Variants in VPS13B observed in about 807,000 individuals in gnomAD.
The protein encoded by VPS13B is intermembrane lipid transfer protein VPS13B.
VPS13B carries 285 observed loss-of-function variants against 426.4 expected under a neutral mutation model. That is an observed-to-expected ratio of 0.67 (90% confidence interval 0.61 to 0.74). The LOEUF (loss-of-function observed/expected upper bound fraction) is 0.74. VPS13B is among the 30% of genes least tolerant of loss of function. The pLI, the probability that VPS13B is intolerant of heterozygous loss-of-function variation, is 0.00. For missense variants in VPS13B, 4,537 were observed against 4,782.6 expected, an observed-to-expected ratio of 0.95 and a Z score of 1.51; for synonymous variants, 1,676 against 1,676.4, an observed-to-expected ratio of 1.00 and a Z score of 0.01.
chr8:99,314,515 G>C (rs557762800), intron 19 of VPS13B, among the ~76,000 whole-genome samples: 14 of 152,284 alleles, frequency 9.2e-5, no homozygotes, highest in African/African-American at 2.6e-4. Flanking sequence ...GCTGAGAGTA[G>C]GGTATTGAAG....
intron 21 of VPS13B, among the ~76,000 whole-genome samples, chr8:99,417,863 A>G (rs1394830428): frequency 6.6e-6 from 1 of 151,908 alleles, no homozygotes; most frequent in African/African-American, 2.4e-5. Context: ...ATCTAGGTAG[A>G]CTGTATTGTT....
chr8:99,458,651 G>C (rs180796719), intron 23 of VPS13B, among the ~76,000 whole-genome samples: 1 of 152,152 alleles, frequency 6.6e-6, no homozygotes, highest in Non-Finnish European at 1.5e-5. Context: ...GTTTTGATTT[G>C]CACTTCTCTG....
At chr8:99,500,141 T>TA (rs1821149715) in intron 25 of VPS13B, among the ~76,000 whole-genome samples, 7 of 152,154 alleles carry the variant, frequency 4.6e-5, no homozygotes, top group Admixed American at 2.6e-4. Context: ...AACCTGTCTA[T>TA]AAAAAATGGA....
intron 33 of VPS13B, among the ~76,000 whole-genome samples, chr8:99,608,815 A>G (rs925042073): frequency 2.6e-5 from 4 of 152,062 alleles, no homozygotes; most frequent in African/African-American, 9.7e-5. Flanking sequence ...TCTACGTTTT[A>G]GCCTGTATCA....
At chr8:99,871,338 T>A in intron 60 of VPS13B, 110 bp from the exon 61 acceptor site, 2 of 1,524,412 alleles carry the variant, frequency 1.3e-6, no homozygotes, top group African/African-American at 1.4e-5. Context: ...ACTGGATTGG[T>A]GAGGGCCCTT....
intron 19 of VPS13B, among the ~76,000 whole-genome samples, chr8:99,334,078 A>G (rs193022541): frequency 1.6e-4 from 24 of 152,038 alleles, no homozygotes; most frequent in African/African-American, 5.5e-4. Flanking sequence ...TATTGCATAC[A>G]TATTTAGAAG....
chr8:99,534,470 G>A (rs1031098728), intron 30 of VPS13B, among the ~76,000 whole-genome samples: 1 of 152,034 alleles, frequency 6.6e-6, no homozygotes, highest in Non-Finnish European at 1.5e-5. Context: ...TTTGTGTTAC[G>A]AATTTGGAAA....
chr8:99,134,792 GT>G (rs1809987208), intron 9 of VPS13B, 65 bp downstream of exon 9: 1 of 1,344,234 alleles, frequency 7.4e-7, no homozygotes, highest in African/African-American at 1.5e-5. Context: ...ATAAATACCT[GT>G]TTTTATCAGA....
intron 3 of VPS13B, among the ~76,000 whole-genome samples, chr8:99,059,730 C>CTTTT (rs34620587): frequency 9.1e-5 from 10 of 110,170 alleles, no homozygotes; most frequent in Middle Eastern, 6.8e-3. Context: ...TTAGCTTCTG[C>CTTTT]TTTTTTTTTT....
intron 30 of VPS13B, among the ~76,000 whole-genome samples, chr8:99,550,235 CTACTT>C: frequency 6.6e-6 from 1 of 152,180 alleles, no homozygotes. Flanking sequence ...ATACCACTTA[CTACTT>C]TACTAGCAGT....
chr8:99,753,932 T>C (rs965724328), intron 39 of VPS13B, among the ~76,000 whole-genome samples: 2 of 152,176 alleles, frequency 1.3e-5, no homozygotes, highest in Non-Finnish European at 2.9e-5. Flanking sequence ...TTCACCACAG[T>C]GTATTACAAC....
chr8:99,515,400 TTCCTCC>T (rs751830064), intron 29 of VPS13B, among the ~76,000 whole-genome samples: 4 of 150,834 alleles, frequency 2.7e-5, no homozygotes, highest in East Asian at 3.9e-4. Flanking sequence ...CTGCTTCTGC[TTCCTCC>T]TCCTCCTCCT....
chr8:99,037,390 A>T (rs1842794820), intron 2 of VPS13B, among the ~76,000 whole-genome samples: 1 of 152,074 alleles, frequency 6.6e-6, no homozygotes, highest in Non-Finnish European at 1.5e-5. Context: ...CTTTATATAG[A>T]TTAATATAAT....
intron 19 of VPS13B, among the ~76,000 whole-genome samples, chr8:99,313,185 A>G (rs1204745592): frequency 6.6e-6 from 1 of 152,192 alleles, no homozygotes; most frequent in Admixed American, 6.5e-5. Context: ...GTCGTTCTCC[A>G]TCCAGCTTTG....
chr8:99,321,966 G>A (rs768634984), intron 19 of VPS13B, among the ~76,000 whole-genome samples: 14 of 152,246 alleles, frequency 9.2e-5, no homozygotes, highest in East Asian at 1.9e-4. Context: ...TCCTGGGAAG[G>A]CTATTTTTGC....
At chr8:99,362,139 CTTTTTTT>C (rs71273181) in intron 19 of VPS13B, among the ~76,000 whole-genome samples, 11 of 119,748 alleles carry the variant, frequency 9.2e-5, no homozygotes, top group Middle Eastern at 4.5e-3. Context: ...TTTAATTTGT[CTTTTTTT>C]TTTTTTTTTT....
chr8:99,179,458 C>T (rs1424913794), intron 16 of VPS13B, among the ~76,000 whole-genome samples: 1 of 152,104 alleles, frequency 6.6e-6, no homozygotes, highest in East Asian at 1.9e-4. Context: ...TCCCCTCCTT[C>T]TTGCTTTTAA....
chr8:99,055,570 T>A (rs1843805692), intron 3 of VPS13B, among the ~76,000 whole-genome samples: 1 of 152,212 alleles, frequency 6.6e-6, no homozygotes, highest in Non-Finnish European at 1.5e-5. Context: ...GTCAGCAGTG[T>A]ATTATAATTT....
intron 35 of VPS13B, among the ~76,000 whole-genome samples, chr8:99,683,232 T>A (rs762026243): frequency 6.6e-6 from 1 of 152,208 alleles, no homozygotes; most frequent in Admixed American, 6.5e-5. Flanking sequence ...TCCAAAACTA[T>A]ACTGTCTTGA....
Sources: gnomAD v4.1 joint callset for allele counts (sites outside exome capture counted in the v4.1 genomes callset) on GRCh38, gnomAD v4.1.1 for gene constraint, MANE v1.5 for transcripts, NCBI Gene and HGNC (gene_info 2026-07-23, HGNC 2026-07-21) for gene names.